Variants in ZIM2 observed in about 807,000 individuals in gnomAD.
ZIM2 encodes zinc finger imprinted 2.
ZIM2 carries 14 observed loss-of-function variants against 38.6 expected under a neutral mutation model. The ratio of observed to expected loss-of-function variants is 0.36; its 90% confidence interval spans 0.24 to 0.57. The LOEUF is 0.57. ZIM2 is among the 20% of genes least tolerant of loss of function. ZIM2 has a pLI of 0.81. For missense variants in ZIM2, 680 were observed against 695.1 expected, an observed-to-expected ratio of 0.98 and a Z score of 0.24; for synonymous variants, 247 against 245.8, an observed-to-expected ratio of 1.00 and a Z score of -0.04.
At chr19:56,817,859 A>C in intron 8 of ZIM2, 21 bp from the exon 9 acceptor site, 1 of 1,597,246 alleles carries the variant, frequency 6.3e-7, no homozygotes, top group Non-Finnish European at 8.6e-7. Flanking sequence ...GGACAATATG[A>C]TGCCTCAAAT....
At position 56,810,920 on chromosome 19, in the gene ZIM2, T is replaced by C. The variant is rs923033513; in HGVS notation, c.490+6826A>G. On this transcript the variant is annotated intron_variant, in intron 9 of 12. Coordinates refer to ENST00000629319, the MANE Select transcript of ZIM2 (RefSeq NM_001387356.1). ...CACATAATACACTGTTATCAGGACA[T>C]TATTATAGGGAACATTTGAAAAAAT... The C allele has an allele frequency of 7.3e-6, 7 of 964,404 alleles. No homozygotes were observed. In the African/African-American group the frequency reaches 8.8e-5, roughly 12 times the overall value. 59.7% of individuals were successfully genotyped at this position (964,404 alleles called of 1,614,324 possible).
At chr19:56,837,778 C>A (rs2062343564) in intron 1 of ZIM2, among the ~76,000 whole-genome samples, 1 of 152,264 alleles carries the variant, frequency 6.6e-6, no homozygotes, top group South Asian at 2.1e-4. Context: ...CCCCCTCCAA[C>A]AGCCCTGCTG....
chr19:56,838,816 C>T (rs904905341), intron 1 of ZIM2, among the ~76,000 whole-genome samples: 14 of 152,222 alleles, frequency 9.2e-5, no homozygotes, highest in Non-Finnish European at 1.8e-4. Flanking sequence ...TTTCCATCAC[C>T]GCAAGGCAGG....
At position 56,828,476 on chromosome 19, in the gene ZIM2, G is replaced by A. The variant is rs553764456; in HGVS notation, c.-226-2013C>T. Among the ~76,000 whole-genome samples, 36 of 152,282 alleles carry A rather than the reference G, an allele frequency of 2.4e-4. No homozygotes were observed. The South Asian group carries it at 7.0e-3, about 30-fold the overall frequency. Reference sequence around the variant, plus strand: ...TATACAGTTCAAAAGTGTGTTCACAGAAGCACTGTTTACAACAGCAGAGAA... The same window carrying A: ...TATACAGTTCAAAAGTGTGTTCACAAAAGCACTGTTTACAACAGCAGAGAA... On this transcript the variant is annotated intron_variant, in intron 2 of 12. Transcript: ENST00000629319.
intron 9 of ZIM2, chr19:56,810,758 T>C (rs1476722651): frequency 1.0e-6 from 1 of 983,532 alleles, no homozygotes; most frequent in African/African-American, 1.7e-5. Flanking sequence ...GCGTGTGCAC[T>C]GAAACAAGAT....
At chr19:56,779,274 A>G in intron 12 of ZIM2, 103 bp downstream of exon 12, 6 of 1,125,552 alleles carry the variant, frequency 5.3e-6, no homozygotes, top group Non-Finnish European at 6.5e-6. Flanking sequence ...GAGAAAGGGC[A>G]CCTACCAGAC....
intron 2 of ZIM2, among the ~76,000 whole-genome samples, chr19:56,830,038 C>T (rs1408560338): frequency 2.6e-5 from 4 of 152,132 alleles, no homozygotes; most frequent in Admixed American, 2.0e-4. Context: ...CTGAGGATGG[C>T]CTAAACGGGC....
chr19:56,775,309 T>G lies in ZIM2; in HGVS notation c.1056A>C (p.Ala352=). ...APGICTSPQS[A]SQENKHNRCE... ...ATCTGTTGTGTTTGTTCTCTTGGGA[T>G]GCTGACTGGGGACTCGTACATATTC... Residue 352 remains alanine (A), a synonymous_variant, in exon 13 of 13, where the codon GCA becomes GCC. Transcript: ENST00000629319. 2 of 1,614,196 alleles carry G rather than the reference T, an allele frequency of 1.2e-6. No individual in the cohort carries two copies. Among genetic ancestry groups the G allele is most frequent in the African/African-American group, 2.7e-5 (2 of 75,054 alleles).
At chr19:56,838,306 G>A (rs2062435956) in intron 1 of ZIM2, among the ~76,000 whole-genome samples, 1 of 151,694 alleles carries the variant, frequency 6.6e-6, no homozygotes, top group Non-Finnish European at 1.5e-5. Flanking sequence ...GCCCGCCCCT[G>A]GGGCCGACCC....
chr19:56,829,070 G>A (rs1230070859), intron 2 of ZIM2, among the ~76,000 whole-genome samples: 1 of 152,172 alleles, frequency 6.6e-6, no homozygotes, highest in Admixed American at 6.5e-5. Context: ...GTCAGCTGCA[G>A]CTGGGCGCAG....
At position 56,816,728 on chromosome 19, in the gene ZIM2, A is replaced by G. The variant is rs368631532; in HGVS notation, c.490+1018T>C. 6.9e-5 allele frequency: 112 copies of G among 1,614,048 alleles called. No homozygotes were observed. Among genetic ancestry groups the G allele is most frequent in the Non-Finnish European group, 9.3e-5 (110 of 1,180,058 alleles). ...TCAATCAGGGCAGAACTATGAAGGAAGGTTTCCTTACACACCCTGCACTCG... is the reference window on the plus strand; with the variant it reads ...TCAATCAGGGCAGAACTATGAAGGAGGGTTTCCTTACACACCCTGCACTCG... On this transcript the variant is annotated intron_variant, in intron 9 of 12. Transcript: ENST00000629319.
At position 56,817,772 on chromosome 19, in the gene ZIM2, C is replaced by G; in HGVS notation, c.464G>C (p.Arg155Thr). The G allele has an allele frequency of 6.2e-7, 1 of 1,614,140 alleles. No individual in the cohort carries two copies. The change falls in exon 9 of 13, where the codon AGA becomes ACA. Residue 155 changes from arginine (R) to threonine (T), a missense_variant. Transcript: ENST00000629319. ...TCGACTGGTGCTTGGGTAGGCACTT[C>G]TCTTGGATCTTGATGAGTGGCCCTG... is the stretch of plus-strand genomic sequence containing the variant. ...MTQGHSSRSK[R>T]SAYPSTSRGF...
chr19:56,835,784 G>A (rs1483697671), intron 2 of ZIM2, among the ~76,000 whole-genome samples: 8 of 152,202 alleles, frequency 5.3e-5, no homozygotes, highest in African/African-American at 1.9e-4. Flanking sequence ...TAGCCCTGAA[G>A]GAGTAGCTGA....
intron 9 of ZIM2, chr19:56,816,541 T>C: frequency 6.2e-7 from 1 of 1,613,948 alleles, no homozygotes; most frequent in South Asian, 1.1e-5. Flanking sequence ...AAGGAAAGTC[T>C]CCCCACACAC....
intron 2 of ZIM2, among the ~76,000 whole-genome samples, chr19:56,832,080 A>G (rs528811949): frequency 1.3e-5 from 2 of 152,368 alleles, no homozygotes; most frequent in South Asian, 4.1e-4. Flanking sequence ...AAAATAGAGG[A>G]AATCTATCAG....
chr19:56,818,701 T>C lies in ZIM2; in HGVS notation c.296A>G (p.Asp99Gly), dbSNP rs1242031182. Reference sequence around the variant, plus strand: ...CACCACATTTTGGTATGATTCAGCATCCTAAAACAGCAAACACAGACCTCT... The same window carrying C: ...CACCACATTTTGGTATGATTCAGCACCCTAAAACAGCAAACACAGACCTCT... ...DSRAYESRSQ[D>G]AESYQNVVDL... The change falls in exon 8 of 13, where the codon GAT becomes GGT. Residue 99 changes from aspartate (D) to glycine (G), a missense_variant and splice_region_variant. By Grantham distance (94) the Asp-to-Gly change is moderately conservative. Coordinates refer to ENST00000629319, the MANE Select transcript of ZIM2 (RefSeq NM_001387356.1). 3 of 1,614,014 alleles carry C rather than the reference T, an allele frequency of 1.9e-6. No individual in the cohort carries two copies. Among genetic ancestry groups the C allele is most frequent in the Non-Finnish European group, 2.5e-6 (3 of 1,180,034 alleles).
chr19:56,819,923 C>A (rs1184141493), intron 7 of ZIM2, among the ~76,000 whole-genome samples: 2 of 152,224 alleles, frequency 1.3e-5, no homozygotes, highest in East Asian at 1.9e-4. Flanking sequence ...AAGAGGGAAG[C>A]CTTATCCATG....
intron 2 of ZIM2, among the ~76,000 whole-genome samples, chr19:56,828,506 G>A (rs1164463172): frequency 6.6e-6 from 1 of 152,136 alleles, no homozygotes; most frequent in Non-Finnish European, 1.5e-5. Context: ...AGAGAACAGG[G>A]ACAGTCAAAC....
Position 56,775,137 on chromosome 19 carries a change from A to C in ZIM2, c.1228T>G (p.Ser410Ala), listed in dbSNP as rs753209691. The C allele has an allele frequency of 9.3e-6, 15 of 1,614,020 alleles. No individual in the cohort carries two copies. The Middle Eastern group carries it at 4.9e-4, about 53-fold the overall frequency. The change falls in exon 13 of 13, where the codon TCT (serine) becomes GCT (alanine). Residue 410 changes from serine to alanine, a missense_variant. Coordinates refer to ENST00000629319, the MANE Select transcript of ZIM2 (RefSeq NM_001387356.1). ...TTGCAGCCAGAAGTCTTCCTACCAG[A>C]ATGGGTCTTCTGATGTCTGTTGAGG... ...PHLNRHQKTH[S>A]GRKTSGCNEG...
Sources: gnomAD v4.1 joint callset for allele counts (sites outside exome capture counted in the v4.1 genomes callset) on GRCh38, gnomAD v4.1.1 for gene constraint, MANE v1.5 for transcripts, NCBI Gene and HGNC (gene_info 2026-07-23, HGNC 2026-07-21) for gene names.